Variants in CAST observed in about 807,000 individuals in gnomAD.
The protein encoded by CAST is MIR583 host.
A neutral mutation model predicts 119.6 loss-of-function variants in CAST; 76 were observed. The observed-to-expected ratio is 0.64, with a 90% CI of 0.53 to 0.77. The LOEUF is 0.77. Ranked by LOEUF, CAST falls within the 30% of genes least tolerant of loss-of-function variation. The pLI is 0.00. For missense variants in CAST, 953 were observed against 946.5 expected, an observed-to-expected ratio of 1.01 and a Z score of -0.09; for synonymous variants, 319 against 331.6, an observed-to-expected ratio of 0.96 and a Z score of 0.41.
intron 30 of CAST, 49 bp downstream of exon 30, chr5:96,770,651 A>C: frequency 1.1e-5 from 14 of 1,225,934 alleles, no homozygotes; most frequent in Non-Finnish European, 1.7e-5. Context: ...AGTTACACAG[A>C]GTAGGGTTTA....
At chr5:96,418,441 T>C in the CAST span, among the ~76,000 whole-genome samples, 9 of 152,220 alleles carry the variant, frequency 5.9e-5, no homozygotes, top group Admixed American at 5.9e-4. Context: ...GTAATTGGTG[T>C]TGAAATAATG....
At chr5:96,484,297 C>T in the CAST span, among the ~76,000 whole-genome samples, 1 of 152,172 alleles carries the variant, frequency 6.6e-6, no homozygotes, top group Non-Finnish European at 1.5e-5. Context: ...CTTACGCACA[C>T]TTTTAGCATA....
upstream of CAST, among the ~76,000 whole-genome samples, chr5:96,659,354 A>G (rs1286383162): frequency 6.6e-6 from 1 of 152,258 alleles, no homozygotes; most frequent in Non-Finnish European, 1.5e-5. Flanking sequence ...GCAAAGAGCA[A>G]TAAAATGAGG....
chr5:96,426,027 G>T, the CAST span: 4 of 737,026 alleles, frequency 5.4e-6, no homozygotes, highest in Non-Finnish European at 9.6e-6. Flanking sequence ...CAGAGTTCAG[G>T]CAGCTCTGCA....
At chr5:96,412,333 T>C in the CAST span, 3 of 1,614,168 alleles carry the variant, frequency 1.9e-6, no homozygotes, top group Non-Finnish European at 2.5e-6. Flanking sequence ...TGACACCATA[T>C]TCAAAAGCCT....
the CAST span, among the ~76,000 whole-genome samples, chr5:96,265,384 G>A: frequency 8.6e-5 from 13 of 151,962 alleles, no homozygotes; most frequent in African/African-American, 9.7e-5. Flanking sequence ...AATTGGAGAC[G>A]CAGGAAAGCC....
intron 1 of CAST, among the ~76,000 whole-genome samples, chr5:96,609,159 C>A (rs1485528996): frequency 7.9e-5 from 12 of 152,306 alleles, no homozygotes; most frequent in African/African-American, 2.6e-4. Context: ...TAATCCTCAT[C>A]ATTTTTCCTT....
the CAST span, chr5:96,422,017 AAAGCATC>A: frequency 1.2e-6 from 1 of 844,106 alleles, no homozygotes. Context: ...AAAAAAAAAA[AAAGCATC>A]ACTTCCCAAG....
intron 9 of CAST, among the ~76,000 whole-genome samples, chr5:96,732,011 T>C (rs1384791298): frequency 1.3e-5 from 2 of 152,034 alleles, no homozygotes; most frequent in East Asian, 3.9e-4. Context: ...CCTTTTGGTA[T>C]ATACCCAGTA....
intron 1 of CAST, among the ~76,000 whole-genome samples, chr5:96,563,240 A>AC (rs1221055598): frequency 1.3e-5 from 2 of 152,136 alleles, no homozygotes; most frequent in Non-Finnish European, 2.9e-5. Flanking sequence ...TCTTTGGGTC[A>AC]CCATTTCCTT....
the CAST span, among the ~76,000 whole-genome samples, chr5:96,240,735 CTTTTTT>C: frequency 1.3e-3 from 131 of 102,424 alleles, no homozygotes; most frequent in African/African-American, 3.9e-3. Context: ...AGCTAACTTT[CTTTTTT>C]TTTTTTTTTT....
intron 10 of CAST, among the ~76,000 whole-genome samples, chr5:96,737,161 T>C (rs990369972): frequency 4.6e-5 from 7 of 152,164 alleles, no homozygotes. Flanking sequence ...ACATGGGGAT[T>C]ACAATTGGAG....
the CAST span, among the ~76,000 whole-genome samples, chr5:96,192,062 A>G: frequency 6.6e-6 from 1 of 152,216 alleles, no homozygotes; most frequent in Non-Finnish European, 1.5e-5. Flanking sequence ...ATAAGGCTGG[A>G]GGGCCTTTAC....
the CAST span, among the ~76,000 whole-genome samples, chr5:96,111,431 C>T: frequency 6.6e-6 from 1 of 152,142 alleles, no homozygotes; most frequent in Non-Finnish European, 1.5e-5. Flanking sequence ...AAATCATTGG[C>T]CTTTGGTGAT....
chr5:96,410,338 G>A, the CAST span, among the ~76,000 whole-genome samples: 1 of 152,062 alleles, frequency 6.6e-6, no homozygotes, highest in Non-Finnish European at 1.5e-5. Flanking sequence ...AGACATAGCT[G>A]GTGTAGACTC....
the CAST span, among the ~76,000 whole-genome samples, chr5:96,417,716 C>T: frequency 6.6e-6 from 1 of 152,078 alleles, no homozygotes; most frequent in Non-Finnish European, 1.5e-5. Context: ...TTTTAAAATC[C>T]CTTTGTTACT....
At chr5:96,239,729 T>C in the CAST span, among the ~76,000 whole-genome samples, 1 of 152,118 alleles carries the variant, frequency 6.6e-6, no homozygotes, top group Non-Finnish European at 1.5e-5. Context: ...TTTCTTTTTA[T>C]CATCCCTTTA....
the CAST span, among the ~76,000 whole-genome samples, chr5:96,263,418 C>A: frequency 2.6e-5 from 4 of 151,922 alleles, no homozygotes; most frequent in African/African-American, 7.3e-5. Context: ...GAGTGACGAG[C>A]CATTATGGAT....
chr5:96,036,448 A>T, the CAST span, among the ~76,000 whole-genome samples: 88 of 152,224 alleles, frequency 5.8e-4, no homozygotes, highest in Non-Finnish European at 9.6e-4. Flanking sequence ...TGAAGTCTGA[A>T]TCATTGTTAA....
Sources: allele counts gnomAD v4.1 joint callset (sites outside exome capture counted in the v4.1 genomes callset), GRCh38; gene constraint gnomAD v4.1.1; transcripts MANE v1.5; gene names NCBI Gene and HGNC (gene_info 2026-07-23, HGNC 2026-07-21).